Variants in GULP1 observed in about 807,000 individuals in gnomAD.
GULP1 encodes the protein PTB domain-containing engulfment adapter protein 1.
In GULP1, 19 loss-of-function variants were observed where a neutral mutation model predicts 40.9. That is an observed-to-expected ratio of 0.46 (90% confidence interval 0.32 to 0.68). The LOEUF (loss-of-function observed/expected upper bound fraction) is 0.68. Ranked by LOEUF, GULP1 falls within the 30% of genes least tolerant of loss-of-function variation. The pLI is 0.03. For missense variants in GULP1, 312 were observed against 362.2 expected, an observed-to-expected ratio of 0.86 and a Z score of 1.12; for synonymous variants, 119 against 117.6, an observed-to-expected ratio of 1.01 and a Z score of -0.08.
chr2:188,523,723 C>G lies in GULP1; in HGVS notation c.162+896C>G, dbSNP rs140370765. ...AAGTCAGAGACATTAAATGGTATTA[C>G]TTTGCTTTGAGAATATCATATCTGG... On this transcript the variant is annotated intron_variant, in intron 5 of 11. Coordinates refer to ENST00000409830, the MANE Select transcript of GULP1 (RefSeq NM_016315.4). 5.5e-3 allele frequency among the ~76,000 whole-genome samples: 831 copies of G among 152,186 alleles called. 5 individuals carry two copies. Among genetic ancestry groups the G allele is most frequent in the African/African-American group, 0.019 (771 of 41,516 alleles).
intron 9 of GULP1, chr2:188,582,586 TTC>T (rs1348998257): frequency 2.2e-6 from 1 of 454,074 alleles, no homozygotes; most frequent in Non-Finnish European, 4.6e-6. Context: ...AAGCAGATAA[TTC>T]TTTTTTATTA....
intron 4 of GULP1, among the ~76,000 whole-genome samples, chr2:188,505,974 T>G (rs1002532570): frequency 2.0e-5 from 3 of 151,868 alleles, no homozygotes; most frequent in Non-Finnish European, 2.9e-5. Context: ...ATCTACATAG[T>G]ACAGTTACAC....
intron 4 of GULP1, among the ~76,000 whole-genome samples, chr2:188,514,240 T>C (rs2064951151): frequency 6.6e-6 from 1 of 152,180 alleles, no homozygotes; most frequent in Non-Finnish European, 1.5e-5. Flanking sequence ...TATGTATAGC[T>C]CACATTTATT....
At chr2:188,323,648 ATATGTGTG>A (rs1334421298) in intron 1 of GULP1, among the ~76,000 whole-genome samples, 101 of 60,938 alleles carry the variant, frequency 1.7e-3, no homozygotes, top group African/African-American at 6.7e-3. Flanking sequence ...ATATCTGAAG[ATATGTGTG>A]TGTGTGTGTG....
intron 4 of GULP1, among the ~76,000 whole-genome samples, chr2:188,508,920 G>T (rs73042422): frequency 0.012 from 1,873 of 151,930 alleles, 38 homozygotes; most frequent in African/African-American, 0.042. Context: ...GTAAGTACAG[G>T]GGACATCTAT....
chr2:188,351,768 T>C (rs1444133301), intron 1 of GULP1, among the ~76,000 whole-genome samples: 2 of 152,174 alleles, frequency 1.3e-5, no homozygotes, highest in African/African-American at 4.8e-5. Flanking sequence ...TACAACTTAG[T>C]AGTCATATCA....
chr2:188,403,121 C>T (rs995299702), intron 2 of GULP1, among the ~76,000 whole-genome samples: 1 of 152,084 alleles, frequency 6.6e-6, no homozygotes, highest in African/African-American at 2.4e-5. Flanking sequence ...ATGAGACTAT[C>T]TGACATTCAG....
intron 4 of GULP1, among the ~76,000 whole-genome samples, chr2:188,514,825 G>T (rs1009315372): frequency 6.6e-6 from 1 of 152,078 alleles, no homozygotes; most frequent in Non-Finnish European, 1.5e-5. Flanking sequence ...TTTGGGATTA[G>T]CTTTTAATAT....
chr2:188,546,266 A>G (rs572563205), intron 7 of GULP1, among the ~76,000 whole-genome samples: 2 of 152,074 alleles, frequency 1.3e-5, no homozygotes, highest in Admixed American at 1.3e-4. Flanking sequence ...CAACAACAGA[A>G]TGTACATTAT....
chr2:188,326,770 C>G (rs1322691096), intron 1 of GULP1, among the ~76,000 whole-genome samples: 2 of 152,068 alleles, frequency 1.3e-5, no homozygotes. Flanking sequence ...GCTTCCAAAG[C>G]AGTCCAGTAA....
At chr2:188,313,334 A>C (rs954603321) in intron 1 of GULP1, among the ~76,000 whole-genome samples, 1 of 152,148 alleles carries the variant, frequency 6.6e-6, no homozygotes, top group African/African-American at 2.4e-5. Flanking sequence ...AATTTTCTGC[A>C]TATGGCTAGC....
chr2:188,366,604 T>G (rs2152412071), intron 1 of GULP1, among the ~76,000 whole-genome samples: 1 of 145,232 alleles, frequency 6.9e-6, no homozygotes. Flanking sequence ...TTTTTTTTTT[T>G]TTTTTTGAGA....
rs1275618514 is a variant in GULP1 at position 188,477,714 on chromosome 2, T to C, written c.12T>C (p.Ala4=). The C allele has an allele frequency of 1.9e-6, 3 of 1,602,752 alleles. No homozygotes were observed. The highest frequency in any genetic ancestry group is 2.6e-6 in the Non-Finnish European group (3 of 1,174,678). The change falls in exon 3 of 12, where the codon GCT becomes GCC. Residue 4 remains alanine (A), a synonymous_variant. Transcript: ENST00000409830. MNR[A]FSRKKDKTWM... ...GGCTGATCCTCATCATGAACCGTGC[T>C]TTTAGCAGGAAGAAAGGTAAGTGTG... is the stretch of plus-strand genomic sequence containing the variant.
intron 2 of GULP1, among the ~76,000 whole-genome samples, chr2:188,461,564 C>G (rs2059709585): frequency 6.6e-6 from 1 of 151,984 alleles, no homozygotes; most frequent in Non-Finnish European, 1.5e-5. Context: ...CTTAGCCTCC[C>G]AAAGTGCTGG....
At chr2:188,331,084 C>G (rs10211425) in intron 1 of GULP1, among the ~76,000 whole-genome samples, 1 of 152,156 alleles carries the variant, frequency 6.6e-6, no homozygotes, top group African/African-American at 2.4e-5. Context: ...AAACATATCC[C>G]GCTAATTTCA....
chr2:188,458,530 T>G (rs1187862807), intron 2 of GULP1, among the ~76,000 whole-genome samples: 4 of 152,148 alleles, frequency 2.6e-5, no homozygotes, highest in Non-Finnish European at 5.9e-5. Context: ...GGCTATTTTA[T>G]TTTTATTTTT....
intron 2 of GULP1, among the ~76,000 whole-genome samples, chr2:188,434,475 G>A (rs903285515): frequency 6.6e-6 from 1 of 150,778 alleles, no homozygotes; most frequent in Non-Finnish European, 1.5e-5. Context: ...TTTAATTTTA[G>A]TATCCATTCT....
chr2:188,310,740 C>T (rs965830208), intron 1 of GULP1, among the ~76,000 whole-genome samples: 1 of 151,942 alleles, frequency 6.6e-6, no homozygotes, highest in Non-Finnish European at 1.5e-5. Flanking sequence ...CCTGAGAGCA[C>T]TGATATTTGA....
intron 1 of GULP1, among the ~76,000 whole-genome samples, chr2:188,327,184 G>T (rs1053391819): frequency 6.6e-6 from 1 of 152,142 alleles, no homozygotes; most frequent in Non-Finnish European, 1.5e-5. Flanking sequence ...AAATGCACAT[G>T]TGAAGGCAAG....
Sources: allele counts gnomAD v4.1 joint callset (sites outside exome capture counted in the v4.1 genomes callset), GRCh38; gene constraint gnomAD v4.1.1; transcripts MANE v1.5; gene names NCBI Gene and HGNC (gene_info 2026-07-23, HGNC 2026-07-21).